Variants in MYZAP observed in about 807,000 individuals in gnomAD.
The protein encoded by MYZAP is myocardial zonula adherens protein.
In MYZAP, 66 loss-of-function variants were observed where a neutral mutation model predicts 69.4. The observed-to-expected ratio is 0.95, with a 90% CI of 0.78 to 1.17. The LOEUF is 1.17. MYZAP is among the 50% of genes most tolerant of loss of function. MYZAP has a pLI of 0.00. For synonymous variants in MYZAP, 256 were observed against 205.9 expected (o/e 1.24, Z -2.09); for missense variants, 611 against 556.2 (o/e 1.10, Z -0.99).
At chr15:57,643,368 T>A (rs1567224373) in intron 10 of MYZAP, among the ~76,000 whole-genome samples, 1 of 152,202 alleles carries the variant, frequency 6.6e-6, no homozygotes, top group Non-Finnish European at 1.5e-5. Flanking sequence ...TTTATTATCC[T>A]GTTGAAAAGC....
intron 2 of MYZAP, 24 bp downstream of exon 2, chr15:57,604,379 C>T (rs746935570): frequency 3.7e-6 from 6 of 1,613,504 alleles, no homozygotes; most frequent in South Asian, 3.3e-5. Flanking sequence ...GAGGCAAAGC[C>T]CCAACAAGTT....
intron 11 of MYZAP, among the ~76,000 whole-genome samples, chr15:57,668,894 A>T (rs201653601): frequency 0.1 from 6,313 of 62,472 alleles, 372 homozygotes; most frequent in African/African-American, 0.18. Context: ...ATATATATAT[A>T]TTTTTTTTTT....
At chr15:57,604,421 TC>T in intron 2 of MYZAP, 66 bp downstream of exon 2, 1 of 1,571,260 alleles carries the variant, frequency 6.4e-7, no homozygotes. Flanking sequence ...CACTCTCCCA[TC>T]TCCTAACCAG....
Position 57,629,775 on chromosome 15 carries a change from AAGCATCCATGG to A in MYZAP, c.601_611del (p.Ala201GlnfsTer15), listed in dbSNP as rs769353202. On this transcript the variant is annotated frameshift_variant, in exon 6 of 13. Coordinates refer to ENST00000267853, the MANE Select transcript of MYZAP (RefSeq NM_001018100.5). LOFTEE classifies it high-confidence loss of function. ...ATCAGAAATCTGCAGCAGACGTATGAAGCATCCATGGACAAGCTGAGGGAAAAGCAGAGGCA... is the reference window on the plus strand; with the variant it reads ...ATCAGAAATCTGCAGCAGACGTATGAACAAGCTGAGGGAAAAGCAGAGGCA... 1.2e-6 allele frequency: 2 copies of A among 1,614,080 alleles called. No homozygotes were observed. The highest frequency in any genetic ancestry group is 1.7e-6 in the Non-Finnish European group (2 of 1,180,008).
intron 4 of MYZAP, among the ~76,000 whole-genome samples, chr15:57,623,080 T>C (rs1006634191): frequency 5.9e-5 from 9 of 152,204 alleles, no homozygotes; most frequent in African/African-American, 1.9e-4. Flanking sequence ...CTTTTGTGTA[T>C]GACAGGATGC....
intron 12 of MYZAP, among the ~76,000 whole-genome samples, chr15:57,676,408 ATG>A (rs1200174482): frequency 3.2e-4 from 4 of 12,440 alleles, no homozygotes; most frequent in Non-Finnish European, 7.6e-4. Flanking sequence ...ATATATATAT[ATG>A]TATATATATG....
intron 2 of MYZAP, among the ~76,000 whole-genome samples, chr15:57,609,124 T>TAC (rs1210206940): frequency 6.6e-6 from 1 of 152,194 alleles, no homozygotes; most frequent in Admixed American, 6.5e-5. Context: ...TGTAGGCACA[T>TAC]ACACACACAC....
At chr15:57,645,453 T>C (rs2037394084) in intron 10 of MYZAP, among the ~76,000 whole-genome samples, 4 of 152,138 alleles carry the variant, frequency 2.6e-5, no homozygotes, top group Admixed American at 2.6e-4. Flanking sequence ...CCTAGAAAAA[T>C]AGCAACAAGT....
At position 57,673,463 on chromosome 15, in the gene MYZAP, C is replaced by CGTGTGTGTGT. The variant is rs3051249; in HGVS notation, c.1204-1459_1204-1450dup. On this transcript the variant is annotated intron_variant, in intron 11 of 12. Transcript: ENST00000267853. Reference sequence around the variant, plus strand: ...CTGCACGTGTGCGCATGCGTGCATGCGTGTGTGTGTGTGTGTGTGTGTGTG... The same window carrying CGTGTGTGTGT: ...CTGCACGTGTGCGCATGCGTGCATGCGTGTGTGTGTGTGTGTGTGTGTGTGTGTGTGTGTG... 1.1e-3 allele frequency among the ~76,000 whole-genome samples: 109 copies of CGTGTGTGTGT among 102,660 alleles called. 1 individual carries two copies. The highest frequency in any genetic ancestry group is 5.7e-3 in the Middle Eastern group (1 of 174). The allele number at this position is 102,660 out of a possible 152,430, so 67.3% of individuals were successfully genotyped here. A position where few individuals can be genotyped will look rare whatever the true frequency, so the allele number is the denominator to read the frequency against.
intron 6 of MYZAP, among the ~76,000 whole-genome samples, chr15:57,631,536 G>A (rs1200197275): frequency 2.0e-5 from 3 of 151,906 alleles, no homozygotes; most frequent in South Asian, 4.2e-4. Flanking sequence ...GGGCCTCCAG[G>A]GACAGAGCCC....
Position 57,629,625 on chromosome 15 carries a change from G to C in MYZAP, c.526-77G>C, listed in dbSNP as rs1053153452. ...CTACCCCAGTGCTTAATGATAAGGG[G>C]ATGCCCCAGCATGTGGTGCAGCCCA... On this transcript the variant is annotated intron_variant, in intron 5 of 12. Transcript: ENST00000267853. The C allele has an allele frequency of 7.1e-6, 11 of 1,540,720 alleles. No individual in the cohort carries two copies. The Admixed American group carries it at 1.2e-4, about 17-fold the overall frequency.
At chr15:57,604,831 G>A (rs61997915) in intron 2 of MYZAP, among the ~76,000 whole-genome samples, 44,726 of 152,170 alleles carry the variant, frequency 0.29, 6,772 homozygotes, top group Non-Finnish European at 0.34. Context: ...CTGGGGGTAG[G>A]AGGCATTCGG....
chr15:57,592,159 C>T (rs1412228778), intron 1 of MYZAP, 50 bp downstream of exon 1: 3 of 1,274,216 alleles, frequency 2.4e-6, no homozygotes, highest in South Asian at 2.5e-5. Flanking sequence ...CCATCCCGGC[C>T]GCCCCCTCTA....
At chr15:57,619,850 G>T (rs2035702281) in intron 3 of MYZAP, among the ~76,000 whole-genome samples, 1 of 152,110 alleles carries the variant, frequency 6.6e-6, no homozygotes, top group Non-Finnish European at 1.5e-5. Flanking sequence ...CAAGACAAAG[G>T]CAGGAGGAGA....
At chr15:57,661,864 T>A (rs1168651327) in intron 11 of MYZAP, among the ~76,000 whole-genome samples, 2 of 152,238 alleles carry the variant, frequency 1.3e-5, no homozygotes, top group Non-Finnish European at 2.9e-5. Context: ...TATGTTCATA[T>A]ACATTCCTTA....
chr15:57,618,266 A>C, intron 3 of MYZAP, 78 bp downstream of exon 3: 1 of 1,541,114 alleles, frequency 6.5e-7, no homozygotes, highest in Non-Finnish European at 8.7e-7. Flanking sequence ...GAAGCATTGA[A>C]GTGAATGTAA....
intron 2 of MYZAP, among the ~76,000 whole-genome samples, chr15:57,612,318 G>A (rs1310225495): frequency 6.6e-6 from 1 of 152,190 alleles, no homozygotes; most frequent in East Asian, 1.9e-4. Flanking sequence ...CCTCCTGGCT[G>A]GTGGGGCGGG....
intron 10 of MYZAP, among the ~76,000 whole-genome samples, chr15:57,643,738 TTTG>T (rs1356264796): frequency 6.7e-6 from 1 of 148,684 alleles, no homozygotes; most frequent in African/African-American, 2.6e-5. Context: ...AGGTTTTTTT[TTTG>T]TTTTTTTTTT....
At chr15:57,649,661 G>T (rs2140501602) in intron 10 of MYZAP, among the ~76,000 whole-genome samples, 1 of 152,146 alleles carries the variant, frequency 6.6e-6, no homozygotes, top group Non-Finnish European at 1.5e-5. Flanking sequence ...TTTTTTGTTT[G>T]TGATATCTTT....
Sources: gnomAD v4.1 joint callset for allele counts (sites outside exome capture counted in the v4.1 genomes callset) on GRCh38, gnomAD v4.1.1 for gene constraint, MANE v1.5 for transcripts, NCBI Gene and HGNC (gene_info 2026-07-23, HGNC 2026-07-21) for gene names.